Variants in FAM20C observed in about 807,000 individuals in gnomAD.
FAM20C encodes the protein extracellular serine/threonine protein kinase FAM20C.
FAM20C carries 40 observed loss-of-function variants against 51.5 expected under a neutral mutation model. The ratio of observed to expected loss-of-function variants is 0.78; its 90% CI spans 0.60 to 1.01. The LOEUF (loss-of-function observed/expected upper bound fraction) is 1.01, where lower values mean the gene tolerates loss of function less well. FAM20C is among the 50% of genes least tolerant of loss of function. The pLI is 0.00. For missense variants in FAM20C, 861 were observed against 844.7 expected (o/e 1.02, Z -0.24); for synonymous variants, 406 against 380.6 (o/e 1.07, Z -0.78).
chr7:193,891 GC>G (rs1785719933), intron 1 of FAM20C, 87 bp downstream of exon 1: 2 of 1,442,990 alleles, frequency 1.4e-6, no homozygotes, highest in Non-Finnish European at 1.8e-6. Context: ...CCAGAGGGCC[GC>G]CCCCCATGGA....
At chr7:205,586 C>G (rs913367148) in intron 2 of FAM20C, among the ~76,000 whole-genome samples, 1 of 152,166 alleles carries the variant, frequency 6.6e-6, no homozygotes, top group Non-Finnish European at 1.5e-5. Context: ...GTGCAGACCC[C>G]TCAGAGACAC....
At chr7:254,780 C>A (rs888569833) in intron 5 of FAM20C, among the ~76,000 whole-genome samples, 1 of 152,196 alleles carries the variant, frequency 6.6e-6, no homozygotes, top group Non-Finnish European at 1.5e-5. Context: ...CAGCCCTCGA[C>A]GAGCAGCGTC....
chr7:214,144 G>T (rs1786853189), intron 3 of FAM20C, among the ~76,000 whole-genome samples: 1 of 152,118 alleles, frequency 6.6e-6, no homozygotes, highest in Non-Finnish European at 1.5e-5. Flanking sequence ...TGACCCACAT[G>T]GTGAAACCCC....
chr7:208,954 C>A lies in FAM20C; in HGVS notation c.841C>A (p.Gln281Lys). 1.3e-6 allele frequency: 2 copies of A among 1,585,510 alleles called. No homozygotes were observed. Among genetic ancestry groups the A allele is most frequent in the Non-Finnish European group, 1.7e-6 (2 of 1,165,882 alleles). ...CATCATGACCTTCCAGAATTACGGG[C>A]AAGCGCTGTTCAAACCCATGAAGTA... is the stretch of plus-strand genomic sequence containing the variant. ...KLIMTFQNYG[Q>K]ALFKPMKQTR... The change falls in exon 3 of 10, where the codon CAA becomes AAA. Residue 281 changes from glutamine (Q) to lysine (K), a missense_variant. Gln to Lys is a moderately conservative substitution (Grantham distance 53). Transcript: ENST00000313766.
intron 3 of FAM20C, among the ~76,000 whole-genome samples, chr7:210,524 T>C (rs1173706190): frequency 6.6e-6 from 1 of 152,108 alleles, no homozygotes; most frequent in East Asian, 1.9e-4. Context: ...AGTCGCTGAA[T>C]GGCGGCGTCT....
At chr7:247,168 G>A (rs921979143) in intron 4 of FAM20C, among the ~76,000 whole-genome samples, 9 of 152,228 alleles carry the variant, frequency 5.9e-5, no homozygotes, top group African/African-American at 1.7e-4. Context: ...GAGGCCCCAC[G>A]GTCGCCTGTC....
intron 5 of FAM20C, among the ~76,000 whole-genome samples, chr7:254,379 C>T (rs1583341719): frequency 6.6e-6 from 1 of 152,240 alleles, no homozygotes; most frequent in East Asian, 1.9e-4. Context: ...GAGTGAGGTT[C>T]GGGGCTCCGG....
chr7:258,585 C>T, intron 8 of FAM20C, 61 bp from the exon 9 acceptor site: 1 of 1,512,190 alleles, frequency 6.6e-7, no homozygotes. Flanking sequence ...AGCTCCCAGC[C>T]CAGCAGCCTG....
At chr7:193,895 C>G (rs1201847471) in intron 1 of FAM20C, 91 bp downstream of exon 1, 56 of 1,434,410 alleles carry the variant, frequency 3.9e-5, no homozygotes, top group Non-Finnish European at 4.3e-5. Context: ...AGGGCCGCCC[C>G]CCATGGAAGA....
In FAM20C at chr7:250,718, C is replaced by T. The variant is rs1788364086; in HGVS notation, c.1072+2288C>T. On this transcript the variant is annotated intron_variant, in intron 5 of 9. Coordinates refer to ENST00000313766, the MANE Select transcript of FAM20C (RefSeq NM_020223.4). The stretch of plus-strand genomic sequence containing the variant: ...CCTGCCCCACCGTCCACAGGACTGA[C>T]CGCACTGCAGCCCGCCATGCACACC... Among the ~76,000 whole-genome samples, 9 of 152,364 alleles carry T rather than the reference C, an allele frequency of 5.9e-5. No individual in the cohort carries two copies. The South Asian group carries it at 1.9e-3, about 32-fold the overall frequency.
rs371667243 is a variant in FAM20C, at chr7:207,464, C to T, written c.785-1434C>T. Reference sequence around the variant, plus strand: ...TGGGTCATGCCGTCCTCTGTGGGGCCGGGGCCAGCCCTGCCCCTCGCTCCG... The same window carrying T: ...TGGGTCATGCCGTCCTCTGTGGGGCTGGGGCCAGCCCTGCCCCTCGCTCCG... On this transcript the variant is annotated intron_variant, in intron 2 of 9. Coordinates refer to ENST00000313766, the MANE Select transcript of FAM20C (RefSeq NM_020223.4). Among the ~76,000 whole-genome samples the T allele has an allele frequency of 8.2e-4, 125 of 152,258 alleles. 4 individuals carry two copies. The highest frequency in any genetic ancestry group is 2.7e-3 in the African/African-American group (114 of 41,508).
intron 4 of FAM20C, 66 bp from the exon 5 acceptor site, chr7:248,249 G>C (rs1219189312): frequency 4.2e-6 from 5 of 1,178,696 alleles, no homozygotes; most frequent in East Asian, 2.6e-5. Context: ...CTTATTTGGA[G>C]GCAGGGACAC....
intron 3 of FAM20C, among the ~76,000 whole-genome samples, chr7:215,089 G>A (rs781432312): frequency 6.6e-6 from 1 of 151,990 alleles, no homozygotes; most frequent in African/African-American, 2.4e-5. Context: ...AGGCAGCTAC[G>A]TGTGTCCAGT....
chr7:248,453 A>G lies in FAM20C; in HGVS notation c.1072+23A>G, dbSNP rs185225273. 0.027 allele frequency: 36,871 copies of G among 1,363,610 alleles called. 1,338 individuals are homozygous for G. The highest frequency in any genetic ancestry group is 0.036 in the Middle Eastern group (203 of 5,662). 84.5% of individuals were successfully genotyped at this position (1,363,610 alleles called of 1,614,324 possible). A position where few individuals can be genotyped will look rare whatever the true frequency, so the allele number is the denominator to read the frequency against. ...CAGGTAGCCTGGCACGGGGGCCCGC[A>G]TTCATCTCTCCAGGTAGCCTGGCAC... is the stretch of plus-strand genomic sequence containing the variant. On this transcript the variant is annotated intron_variant, in intron 5 of 9. Coordinates refer to ENST00000313766, the MANE Select transcript of FAM20C (RefSeq NM_020223.4).
chr7:241,624 CTG>C (rs1787949360), intron 3 of FAM20C, among the ~76,000 whole-genome samples: 1 of 149,450 alleles, frequency 6.7e-6, no homozygotes, highest in African/African-American at 2.5e-5. Flanking sequence ...ACGTGTGCAT[CTG>C]TGAGTGTGCG....
intron 3 of FAM20C, among the ~76,000 whole-genome samples, chr7:229,877 G>T (rs915214685): frequency 6.6e-6 from 1 of 152,102 alleles, no homozygotes; most frequent in Non-Finnish European, 1.5e-5. Flanking sequence ...AGTGAGTCAG[G>T]GATCTAGTGT....
chr7:257,873 T>TGGAGATAGGCA, intron 8 of FAM20C, among the ~76,000 whole-genome samples: 1 of 33,392 alleles, frequency 3.0e-5, no homozygotes, highest in African/African-American at 1.2e-4. Flanking sequence ...GAGATGGGGC[T>TGGAGATAGGCA]GGGTGGACCC....
chr7:234,264 G>A (rs927136089), intron 3 of FAM20C, among the ~76,000 whole-genome samples: 1 of 152,250 alleles, frequency 6.6e-6, no homozygotes, highest in Non-Finnish European at 1.5e-5. Context: ...TCAGAGCTGC[G>A]TCCTGGGCCT....
Position 250,475 on chromosome 7 carries a change from G to C in FAM20C, c.1072+2045G>C, listed in dbSNP as rs559268778. Among the ~76,000 whole-genome samples the C allele has an allele frequency of 2.4e-3, 358 of 152,296 alleles. 1 individual carries two copies. Among genetic ancestry groups the C allele is most frequent in the African/African-American group, 8.1e-3 (337 of 41,564 alleles). ...GCGTGGGGGTCTTTGAGGGCTCCCC[G>C]GTCAGCTGTGCCTGAGCCAGGCACA... is the stretch of plus-strand genomic sequence containing the variant. On this transcript the variant is annotated intron_variant, in intron 5 of 9. Coordinates refer to ENST00000313766, the MANE Select transcript of FAM20C (RefSeq NM_020223.4).
Sources: gnomAD v4.1 joint callset for allele counts (sites outside exome capture counted in the v4.1 genomes callset) on GRCh38, gnomAD v4.1.1 for gene constraint, MANE v1.5 for transcripts, NCBI Gene and HGNC (gene_info 2026-07-23, HGNC 2026-07-21) for gene names.